TMEM196: variants seen among roughly 807,000 people sequenced by gnomAD.
The protein encoded by TMEM196 is transmembrane protein 196.
TMEM196 carries 17 observed loss-of-function variants against 20.0 expected under a neutral mutation model. The observed-to-expected ratio is 0.85, with a 90% confidence interval of 0.58 to 1.27. The LOEUF (loss-of-function observed/expected upper bound fraction) is 1.27. Among genes scored for constraint, TMEM196 ranks in the 50% most tolerant of loss-of-function variants. TMEM196 has a pLI of 0.00. For missense variants in TMEM196, 267 were observed against 223.0 expected (o/e 1.20, Z -1.26); for synonymous variants, 113 against 88.9 (o/e 1.27, Z -1.52).
chr7:19,729,650 G>A (rs578136401), intron 1 of TMEM196, among the ~76,000 whole-genome samples: 3 of 152,256 alleles, frequency 2.0e-5, no homozygotes, highest in African/African-American at 7.2e-5. Flanking sequence ...GATTGTTAGA[G>A]GTAATTGAAT....
At chr7:19,731,216 TA>T (rs1784189503) in intron 1 of TMEM196, among the ~76,000 whole-genome samples, 1 of 152,300 alleles carries the variant, frequency 6.6e-6, no homozygotes, top group East Asian at 1.9e-4. Context: ...TAACATACTT[TA>T]GAAATAGATC....
rs899371854 is a variant in TMEM196, at chr7:19,719,484, C to A, written c.*2644G>T. ...TTTCCAAAGCGAGCCCAATTTTATT[C>A]TTTTATGCTTATAATACTCTACCTA... On this transcript the variant is annotated 3_prime_UTR_variant, in exon 5 of 5. Coordinates refer to ENST00000405844, the MANE Select transcript of TMEM196 (RefSeq NM_001363562.2). The A allele has an allele frequency of 6.7e-6, 1 of 150,236 alleles. No homozygotes were observed. Among genetic ancestry groups the A allele is most frequent in the Non-Finnish European group, 1.5e-5 (1 of 66,896 alleles). 9.3% of individuals were successfully genotyped at this position (150,236 alleles called of 1,614,324 possible).
At chr7:19,768,060 G>T (rs1372160319) in intron 1 of TMEM196, among the ~76,000 whole-genome samples, 2 of 152,022 alleles carry the variant, frequency 1.3e-5, no homozygotes, top group Non-Finnish European at 2.9e-5. Flanking sequence ...AGGTATGTGT[G>T]TTGGCTATGC....
At chr7:19,738,734 C>A (rs1784488715) in intron 1 of TMEM196, among the ~76,000 whole-genome samples, 1 of 151,918 alleles carries the variant, frequency 6.6e-6, no homozygotes, top group Admixed American at 6.6e-5. Flanking sequence ...GATTATGACC[C>A]AATGTGTACA....
rs1464000243 is a variant in TMEM196, at chr7:19,772,607, C to G, written c.90G>C (p.Ala30=). The G allele has an allele frequency of 3.2e-6, 5 of 1,546,894 alleles. No individual in the cohort carries two copies. Among genetic ancestry groups the G allele is most frequent in the Non-Finnish European group, 4.4e-6 (5 of 1,145,858 alleles). The part of the protein sequence containing the change: ...GLGVSSVAVG[A]VSFSLALREH... ...CTCGGAGGGCCAGGCTGAAGCTGAC[C>G]GCCCCCACGGCCACGCTGGACACCC... The change falls in exon 1 of 5, where the codon GCG becomes GCC. Residue 30 remains alanine (A), a synonymous_variant. Coordinates refer to ENST00000405844, the MANE Select transcript of TMEM196 (RefSeq NM_001363562.2).
chr7:19,726,040 A>G (rs1163002472), intron 2 of TMEM196, among the ~76,000 whole-genome samples: 1 of 152,324 alleles, frequency 6.6e-6, no homozygotes, highest in East Asian at 1.9e-4. Context: ...TAGCTTATGA[A>G]AACTCTGAAG....
intron 3 of TMEM196, among the ~76,000 whole-genome samples, chr7:19,724,594 A>T (rs559213389): frequency 2.0e-5 from 3 of 152,220 alleles, no homozygotes; most frequent in African/African-American, 7.2e-5. Context: ...ATTTGAGAAC[A>T]CTTGCTCTCC....
chr7:19,729,403 G>A lies in TMEM196; in HGVS notation c.183C>T (p.Ala61=), dbSNP rs1158835466. 6.5e-7 allele frequency: 1 copy of A among 1,542,954 alleles called. No homozygotes were observed. The highest frequency in any genetic ancestry group is 2.5e-5 in the East Asian group (1 of 40,686). Residue 61 remains alanine (A), a synonymous_variant, in exon 2 of 5, where the codon GCC becomes GCT. Coordinates refer to ENST00000405844, the MANE Select transcript of TMEM196 (RefSeq NM_001363562.2). ...LLCGICGILC[A]KKKSGLVMIL... Reference sequence around the variant, plus strand: ...TTACGACAAGTCCTGATTTTTTTTTGGCACACAATATTCCACAAATGCCAC... The same window carrying A: ...TTACGACAAGTCCTGATTTTTTTTTAGCACACAATATTCCACAAATGCCAC...
At chr7:19,728,510 A>G (rs1307674333) in intron 2 of TMEM196, among the ~76,000 whole-genome samples, 1 of 152,184 alleles carries the variant, frequency 6.6e-6, no homozygotes, top group African/African-American at 2.4e-5. Flanking sequence ...ACGAAGAAAG[A>G]TGTGATTAGA....
At chr7:19,734,065 G>T (rs1489341787) in intron 1 of TMEM196, among the ~76,000 whole-genome samples, 3 of 151,954 alleles carry the variant, frequency 2.0e-5, no homozygotes, top group Admixed American at 2.0e-4. Flanking sequence ...TGAAGGTGGG[G>T]CACTCACATC....
chr7:19,720,082 TATCTTC>T lies in TMEM196; in HGVS notation c.*2040_*2045del, dbSNP rs1417686096. ...TTCAGGAGGACCATACACACACAAA[TATCTTC>T]ATGATGTAATTTAGATTTTCATTGG... On this transcript the variant is annotated 3_prime_UTR_variant, in exon 5 of 5. Transcript: ENST00000405844. 6.6e-6 allele frequency: 1 copy of T among 152,102 alleles called. No homozygotes were observed. Among genetic ancestry groups the T allele is most frequent in the Non-Finnish European group, 1.5e-5 (1 of 67,948 alleles). The allele number at this position is 152,102 out of a possible 1,614,324, so 9.4% of individuals were successfully genotyped here.
chr7:19,738,121 A>G (rs2128021688), intron 1 of TMEM196, among the ~76,000 whole-genome samples: 1 of 152,158 alleles, frequency 6.6e-6, no homozygotes, highest in Admixed American at 6.6e-5. Flanking sequence ...ATGGTATATA[A>G]GCATTATACT....
At chr7:19,746,664 T>A (rs2128027461) in intron 1 of TMEM196, among the ~76,000 whole-genome samples, 1 of 152,348 alleles carries the variant, frequency 6.6e-6, no homozygotes, top group East Asian at 1.9e-4. Context: ...ACCACACTAT[T>A]TTTACTTTTC....
At chr7:19,763,579 T>C (rs1469640184) in intron 1 of TMEM196, among the ~76,000 whole-genome samples, 1 of 152,180 alleles carries the variant, frequency 6.6e-6, no homozygotes, top group Non-Finnish European at 1.5e-5. Context: ...GTAAACAGTT[T>C]CTAAGAGAGG....
Position 19,762,265 on chromosome 7 carries a change from C to A in TMEM196, c.147+10285G>T, listed in dbSNP as rs116779322. ...AGTAGTAAAAAAACCAGAAGAGTTTCTCTTTGGAGTTCAAATTTGTGTTAT... is the reference window on the plus strand; with the variant it reads ...AGTAGTAAAAAAACCAGAAGAGTTTATCTTTGGAGTTCAAATTTGTGTTAT... On this transcript the variant is annotated intron_variant, in intron 1 of 4. Transcript: ENST00000405844. Among the ~76,000 whole-genome samples, 610 of 151,994 alleles carry A rather than the reference C, an allele frequency of 4.0e-3. 4 individuals carry two copies. Among genetic ancestry groups the A allele is most frequent in the Middle Eastern group, 0.021 (6 of 292 alleles).
chr7:19,771,879 C>T (rs1006474523), intron 1 of TMEM196, among the ~76,000 whole-genome samples: 6 of 152,172 alleles, frequency 3.9e-5, no homozygotes, highest in African/African-American at 1.4e-4. Context: ...TGTTATTACA[C>T]GTCTTACCAT....
chr7:19,723,219 G>A (rs1240536303), intron 4 of TMEM196, among the ~76,000 whole-genome samples: 1 of 152,016 alleles, frequency 6.6e-6, no homozygotes, highest in Non-Finnish European at 1.5e-5. Flanking sequence ...TCTGATTTGA[G>A]GCTTCATTGA....
chr7:19,749,226 A>G (rs1370136147), intron 1 of TMEM196, among the ~76,000 whole-genome samples: 1 of 152,206 alleles, frequency 6.6e-6, no homozygotes. Flanking sequence ...AAATAAACCA[A>G]GAGAAGCCAC....
intron 1 of TMEM196, among the ~76,000 whole-genome samples, chr7:19,771,515 G>T (rs1292779110): frequency 6.6e-6 from 1 of 152,080 alleles, no homozygotes; most frequent in Non-Finnish European, 1.5e-5. Context: ...TTCTTTTAGT[G>T]ACTTAAAGCT....
Sources: allele counts gnomAD v4.1 joint callset (sites outside exome capture counted in the v4.1 genomes callset), GRCh38; gene constraint gnomAD v4.1.1; transcripts MANE v1.5; gene names NCBI Gene and HGNC (gene_info 2026-07-23, HGNC 2026-07-21).